Variants in PAX3 observed in about 807,000 individuals in gnomAD.
PAX3 encodes paired box 3.
A neutral mutation model predicts 51.6 loss-of-function variants in PAX3; 14 were observed. The observed-to-expected ratio is 0.27, with a 90% CI of 0.18 to 0.42. The LOEUF is 0.42. PAX3 is among the 10% of genes least tolerant of loss of function. The probability of loss-of-function intolerance (pLI) is 1.00; values close to 1 mark genes in which losing one functional copy is unlikely to be tolerated. For missense variants in PAX3, 540 were observed against 642.8 expected (o/e 0.84, Z 1.73); for synonymous variants, 280 against 253.4 (o/e 1.11, Z -1.00).
chr2:222,244,024 C>T (rs1287895152), intron 4 of PAX3, among the ~76,000 whole-genome samples: 1 of 152,082 alleles, frequency 6.6e-6, no homozygotes, highest in Admixed American at 6.6e-5. Context: ...AGTGTGATTC[C>T]TCCCCTTCAT....
chr2:222,285,631 G>A (rs1016621602), intron 4 of PAX3, among the ~76,000 whole-genome samples: 10 of 152,178 alleles, frequency 6.6e-5, no homozygotes, highest in Non-Finnish European at 4.4e-5. Context: ...ATTCCATGTT[G>A]CAATACAAAT....
chr2:222,271,914 T>C (rs1212094883), intron 4 of PAX3, among the ~76,000 whole-genome samples: 7 of 152,218 alleles, frequency 4.6e-5, no homozygotes, highest in Non-Finnish European at 8.8e-5. Flanking sequence ...AAGAAAGGTG[T>C]TCCAACTTCA....
At chr2:222,294,555 C>T (rs1695185701) in intron 3 of PAX3, among the ~76,000 whole-genome samples, 1 of 152,050 alleles carries the variant, frequency 6.6e-6, no homozygotes. Context: ...ACCGTGCCTC[C>T]AAGTTAGGGC....
In PAX3 at chr2:222,201,829, A is replaced by AG. The variant is rs1241043157; in HGVS notation, c.1420+114_1420+115insC. 3.1e-6 allele frequency: 5 copies of AG among 1,592,314 alleles called. No homozygotes were observed. In the East Asian group the frequency reaches 1.1e-4, roughly 36 times the overall value. On this transcript the variant is annotated intron_variant, in intron 8 of 8. Transcript: ENST00000392070. ...TCAGCTGGCTTTGCAAAAAAAAAAA[A>AG]AAATTGATACCGGCATGTGTGGCTT...
At chr2:222,207,567 G>T (rs1371657343) in intron 7 of PAX3, among the ~76,000 whole-genome samples, 1 of 152,166 alleles carries the variant, frequency 6.6e-6, no homozygotes, top group Non-Finnish European at 1.5e-5. Context: ...TGCTTCATAT[G>T]CAGCATACAT....
At chr2:222,223,123 A>G (rs1188952337) in intron 5 of PAX3, among the ~76,000 whole-genome samples, 1 of 152,190 alleles carries the variant, frequency 6.6e-6, no homozygotes, top group African/African-American at 2.4e-5. Flanking sequence ...ATTTTTCTGG[A>G]GAAGAAGCTC....
At chr2:222,289,645 C>T (rs1694958073) in intron 4 of PAX3, among the ~76,000 whole-genome samples, 1 of 152,108 alleles carries the variant, frequency 6.6e-6, no homozygotes, top group African/African-American at 2.4e-5. Context: ...TGCATGTTTT[C>T]AATAAAGCTC....
At position 222,202,149 on chromosome 2, in the gene PAX3, C is replaced by A; in HGVS notation, c.1215G>T (p.Gln405His). Residue 405 changes from glutamine (Q) to histidine (H), a missense_variant, in exon 8 of 9, where the codon CAG (glutamine) becomes CAT (histidine). By Grantham distance (24) the Gln-to-His change is conservative. This residue lies in a region of PAX3 where 427 missense variants were observed against 483.6 expected (regional missense o/e 0.88). Coordinates refer to ENST00000392070, the MANE Select transcript of PAX3 (RefSeq NM_181458.4). ...LLTNHGGVPH[Q>H]PQTDYALSPL... Reference sequence around the variant, plus strand: ...GGGAGAGCGCGTAATCAGTCTGGGGCTGATGAGGTACCCCACCGTGGTTGG... The same window carrying A: ...GGGAGAGCGCGTAATCAGTCTGGGGATGATGAGGTACCCCACCGTGGTTGG... 1 of 1,609,906 alleles carries A rather than the reference C, an allele frequency of 6.2e-7. No individual in the cohort carries two copies. Among genetic ancestry groups the A allele is most frequent in the Non-Finnish European group, 8.5e-7 (1 of 1,177,910 alleles).
intron 7 of PAX3, among the ~76,000 whole-genome samples, chr2:222,203,373 G>C (rs1321216639): frequency 6.6e-6 from 1 of 151,992 alleles, no homozygotes; most frequent in Non-Finnish European, 1.5e-5. Flanking sequence ...GCCAGGTCAA[G>C]AGCCCCCCCG....
At chr2:222,215,857 G>A (rs749671960) in intron 7 of PAX3, among the ~76,000 whole-genome samples, 7 of 152,118 alleles carry the variant, frequency 4.6e-5, no homozygotes, top group African/African-American at 1.4e-4. Flanking sequence ...AAGACAGCCC[G>A]TGTTGCAGTG....
At chr2:222,294,758 GCCCCCCCCCA>G (rs1695197881) in intron 3 of PAX3, among the ~76,000 whole-genome samples, 1 of 87,096 alleles carries the variant, frequency 1.1e-5, no homozygotes, top group African/African-American at 4.4e-5. Flanking sequence ...ACTTGTCCGC[GCCCCCCCCCA>G]CCCCCCCGTA....
At chr2:222,293,479 G>T (rs1695121895) in intron 4 of PAX3, among the ~76,000 whole-genome samples, 1 of 152,070 alleles carries the variant, frequency 6.6e-6, no homozygotes, top group South Asian at 2.1e-4. Context: ...GAAAAGGAAT[G>T]GGGATCTGTA....
intron 4 of PAX3, among the ~76,000 whole-genome samples, chr2:222,266,704 G>C (rs1694067088): frequency 6.6e-6 from 1 of 152,150 alleles, no homozygotes. Flanking sequence ...GCCCTTGAAG[G>C]GGAATGCCTG....
chr2:222,211,743 T>A (rs1007473298), intron 7 of PAX3, among the ~76,000 whole-genome samples: 1 of 152,200 alleles, frequency 6.6e-6, no homozygotes, highest in Non-Finnish European at 1.5e-5. Context: ...AAGGGCTCCA[T>A]AATCAGATTA....
chr2:222,297,316 T>C (rs1306427283), intron 1 of PAX3, 103 bp from the exon 2 acceptor site: 8 of 859,820 alleles, frequency 9.3e-6, no homozygotes, highest in Non-Finnish European at 1.5e-5. Context: ...CCTATCCTCA[T>C]GTTACAGCAC....
At chr2:222,251,624 C>T (rs1399718429) in intron 4 of PAX3, among the ~76,000 whole-genome samples, 1 of 152,120 alleles carries the variant, frequency 6.6e-6, no homozygotes. Context: ...GGTATATACT[C>T]AGTAATGGGA....
intron 4 of PAX3, among the ~76,000 whole-genome samples, chr2:222,267,303 C>G (rs1473012623): frequency 6.6e-6 from 1 of 152,144 alleles, no homozygotes; most frequent in African/African-American, 2.4e-5. Context: ...AAAAAGTACT[C>G]CATATTTCCC....
chr2:222,200,943 T>G lies in PAX3; in HGVS notation c.*465A>C. 5.2e-6 allele frequency: 3 copies of G among 576,074 alleles called. No individual in the cohort carries two copies. In the South Asian group the frequency reaches 6.3e-5, roughly 12 times the overall value. The allele number at this position is 576,074 out of a possible 1,614,324, so 35.7% of individuals were successfully genotyped here. ...GAGCAGTTTTAAAGTTGTAGAAGTA[T>G]CAGCATCGAACATCGACATGTTATA... On this transcript the variant is annotated 3_prime_UTR_variant, in exon 9 of 9. Transcript: ENST00000392070.
At position 222,204,896 on chromosome 2, in the gene PAX3, C is replaced by G. The variant is rs549829353; in HGVS notation, c.1174-2706G>C. Among the ~76,000 whole-genome samples the G allele has an allele frequency of 9.2e-5, 14 of 152,204 alleles. No individual in the cohort carries two copies. In the East Asian group the frequency reaches 2.7e-3, roughly 29 times the overall value. On this transcript the variant is annotated intron_variant, in intron 7 of 8. Coordinates refer to ENST00000392070, the MANE Select transcript of PAX3 (RefSeq NM_181458.4). ...ACAGTTATACTTGATGAGCTCAGAG[C>G]AGAATTTTATTCAAAACATGCACAC... is the stretch of plus-strand genomic sequence containing the variant.
Sources: gnomAD v4.1 joint callset for allele counts (sites outside exome capture counted in the v4.1 genomes callset) on GRCh38, gnomAD v4.1.1 for gene constraint, gnomAD v4.1.1 regional missense constraint, MANE v1.5 for transcripts, NCBI Gene and HGNC (gene_info 2026-07-23, HGNC 2026-07-21) for gene names.